Variants in TMEM196 observed in about 807,000 individuals in gnomAD.
The protein encoded by TMEM196 is transmembrane protein 196.
Under a neutral mutation model 20.0 loss-of-function variants are expected in TMEM196, and 17 were observed. The observed-to-expected ratio is 0.85, with a 90% confidence interval of 0.58 to 1.27. TMEM196 has a LOEUF of 1.27. Ranked by LOEUF, TMEM196 falls within the 50% of genes most tolerant of loss-of-function variation. TMEM196 has a pLI of 0.00. For missense variants in TMEM196, 267 were observed against 223.0 expected, an observed-to-expected ratio of 1.20 and a Z score of -1.26; for synonymous variants, 113 against 88.9, an observed-to-expected ratio of 1.27 and a Z score of -1.52.
At chr7:19,745,734 T>C (rs969102833) in intron 1 of TMEM196, among the ~76,000 whole-genome samples, 8 of 147,908 alleles carry the variant, frequency 5.4e-5, no homozygotes, top group African/African-American at 1.5e-4. Context: ...CCACATCCTG[T>C]TGGAGGCACC....
At chr7:19,756,941 G>A (rs557318975) in intron 1 of TMEM196, among the ~76,000 whole-genome samples, 40 of 152,174 alleles carry the variant, frequency 2.6e-4, no homozygotes, top group African/African-American at 8.7e-4. Context: ...GTGCTCAATA[G>A]CCACATGTGG....
At chr7:19,755,011 TG>T (rs1785148185) in intron 1 of TMEM196, among the ~76,000 whole-genome samples, 1 of 152,228 alleles carries the variant, frequency 6.6e-6, no homozygotes, top group Admixed American at 6.5e-5. Flanking sequence ...CACGTAACTA[TG>T]GTCTTAAAGG....
Position 19,748,744 on chromosome 7 carries a change from A to G in TMEM196, c.148-19306T>C, listed in dbSNP as rs192139477. On this transcript the variant is annotated intron_variant, in intron 1 of 4. Coordinates refer to ENST00000405844, the MANE Select transcript of TMEM196 (RefSeq NM_001363562.2). Reference sequence around the variant, plus strand: ...ATACATTTTGCTTAGCTAAAAGGCAAGTGGAAATTTGGAGTGGTCTACTAG... The same window carrying G: ...ATACATTTTGCTTAGCTAAAAGGCAGGTGGAAATTTGGAGTGGTCTACTAG... Among the ~76,000 whole-genome samples the G allele has an allele frequency of 4.0e-4, 61 of 152,330 alleles. 1 individual carries two copies. Among genetic ancestry groups the G allele is most frequent in the African/African-American group, 1.4e-3 (59 of 41,586 alleles).
intron 1 of TMEM196, among the ~76,000 whole-genome samples, chr7:19,766,372 G>T (rs140878781): frequency 6.6e-6 from 1 of 151,708 alleles, no homozygotes; most frequent in East Asian, 1.9e-4. Context: ...TGTCCATTTC[G>T]CATGTTGGAA....
intron 1 of TMEM196, among the ~76,000 whole-genome samples, chr7:19,771,376 T>A (rs753753018): frequency 1.3e-5 from 2 of 152,204 alleles, no homozygotes; most frequent in Admixed American, 6.5e-5. Flanking sequence ...AAAACATTTA[T>A]CTCACCTGAA....
intron 1 of TMEM196, among the ~76,000 whole-genome samples, chr7:19,738,326 G>A (rs1341262102): frequency 6.6e-6 from 1 of 152,000 alleles, no homozygotes; most frequent in Non-Finnish European, 1.5e-5. Context: ...TGGAGTTGTA[G>A]GTATCAGTAT....
In TMEM196 at chr7:19,720,779, A is replaced by G. The variant is rs950517511; in HGVS notation, c.*1349T>C. On this transcript the variant is annotated 3_prime_UTR_variant, in exon 5 of 5. Transcript: ENST00000405844. ...GATCTTTGGATATAGGCTTTCTTAT[A>G]TATGGACTGCCTATATTATTTCATG... 6.6e-6 allele frequency: 1 copy of G among 151,876 alleles called. No homozygotes were observed. Among genetic ancestry groups the G allele is most frequent in the African/African-American group, 2.4e-5 (1 of 41,436 alleles). The allele number at this position is 151,876 out of a possible 1,614,324, so 9.4% of individuals were successfully genotyped here.
At chr7:19,767,749 C>G (rs1785695673) in intron 1 of TMEM196, among the ~76,000 whole-genome samples, 1 of 151,818 alleles carries the variant, frequency 6.6e-6, no homozygotes, top group African/African-American at 2.4e-5. Context: ...ATATGAATCC[C>G]TTATGTTAAG....
In TMEM196 at chr7:19,741,427, T is replaced by C. The variant is rs192255669; in HGVS notation, c.148-11989A>G. Among the ~76,000 whole-genome samples, 5 of 152,314 alleles carry C rather than the reference T, an allele frequency of 3.3e-5. No homozygotes were observed. The East Asian group carries it at 9.6e-4, about 29-fold the overall frequency. On this transcript the variant is annotated intron_variant, in intron 1 of 4. Transcript: ENST00000405844. ...ATGGGGAGGTACAAAAATTAATCAA[T>C]TTCAGCCAATTTTAAGGCACATAAC...
intron 1 of TMEM196, among the ~76,000 whole-genome samples, chr7:19,730,029 G>C (rs1253313941): frequency 6.6e-6 from 1 of 152,142 alleles, no homozygotes; most frequent in Admixed American, 6.5e-5. Flanking sequence ...GGTCATGGTG[G>C]ACGGATCACA....
chr7:19,721,155 G>T lies in TMEM196; in HGVS notation c.*973C>A, dbSNP rs1298344957. 3 of 151,696 alleles carry T rather than the reference G, an allele frequency of 2.0e-5. No individual in the cohort carries two copies. Among genetic ancestry groups the T allele is most frequent in the African/African-American group, 7.3e-5 (3 of 41,356 alleles). 9.4% of individuals were successfully genotyped at this position (151,696 alleles called of 1,614,324 possible). On this transcript the variant is annotated 3_prime_UTR_variant, in exon 5 of 5. Coordinates refer to ENST00000405844, the MANE Select transcript of TMEM196 (RefSeq NM_001363562.2). ...AAAACCTAATTAAAAGAAGAAAAAT[G>T]GGCAATTTTAGTAGAAATTAAACAT...
chr7:19,735,277 C>G (rs1583426612), intron 1 of TMEM196, among the ~76,000 whole-genome samples: 1 of 151,996 alleles, frequency 6.6e-6, no homozygotes, highest in African/African-American at 2.4e-5. Flanking sequence ...AAAAGTGAAA[C>G]TATGCAATAA....
intron 1 of TMEM196, among the ~76,000 whole-genome samples, chr7:19,744,772 T>C (rs183334604): frequency 6.6e-6 from 1 of 152,350 alleles, no homozygotes; most frequent in Admixed American, 6.5e-5. Context: ...ATAGTTTACT[T>C]TTTTCAAAAG....
chr7:19,768,294 GAT>G (rs1209230053), intron 1 of TMEM196, among the ~76,000 whole-genome samples: 1 of 152,050 alleles, frequency 6.6e-6, no homozygotes, highest in East Asian at 1.9e-4. Flanking sequence ...GATATTATCA[GAT>G]ATGTTAATAG....
chr7:19,768,949 C>A (rs894980645), intron 1 of TMEM196, among the ~76,000 whole-genome samples: 4 of 152,046 alleles, frequency 2.6e-5, no homozygotes, highest in Non-Finnish European at 5.9e-5. Flanking sequence ...GCCAAAAAAT[C>A]AAAATGCAGC....
At position 19,772,652 on chromosome 7, in the gene TMEM196, G is replaced by A. The variant is rs1362802606; in HGVS notation, c.45C>T (p.Ser15=). The A allele has an allele frequency of 5.8e-6, 9 of 1,543,162 alleles. 1 individual carries two copies. In the South Asian group the frequency reaches 9.6e-5, roughly 17 times the overall value. The change falls in exon 1 of 5, where the codon TCC becomes TCT. Residue 15 remains serine, a synonymous_variant. Transcript: ENST00000405844. ...GQIIGSLLVL[S]VLEIGLGVSS... ...ACACCCCCAGCCCTATCTCCAGCACGGAGAGCACCAAGAGGCTCCCAATAA... is the reference window on the plus strand; with the variant it reads ...ACACCCCCAGCCCTATCTCCAGCACAGAGAGCACCAAGAGGCTCCCAATAA...
intron 1 of TMEM196, among the ~76,000 whole-genome samples, chr7:19,748,171 G>A (rs902175568): frequency 4.5e-5 from 6 of 133,680 alleles, no homozygotes; most frequent in Non-Finnish European, 7.7e-5. Context: ...AAATCCTTGC[G>A]TTTTCCTTTA....
At chr7:19,743,699 C>T (rs1301624529) in intron 1 of TMEM196, among the ~76,000 whole-genome samples, 5 of 152,072 alleles carry the variant, frequency 3.3e-5, no homozygotes, top group African/African-American at 4.8e-5. Flanking sequence ...GGAGAAATAT[C>T]TCATCTCTCC....
In TMEM196 at chr7:19,725,587, GC is replaced by G. The variant is rs1291643751; in HGVS notation, c.385del (p.Ala129ProfsTer27). 3 of 1,613,938 alleles carry G rather than the reference GC, an allele frequency of 1.9e-6. No individual in the cohort carries two copies. Among genetic ancestry groups the G allele is most frequent in the Non-Finnish European group, 2.5e-6 (3 of 1,179,994 alleles). ...TLSSWLTCRL[A>X]SYEQRRMFSE... ...GAACATCCTCCTCTGTTCATAACTG[GC>G]TAGTCGACAAGTGAGCCAGGAAGAG... is the stretch of plus-strand genomic sequence containing the variant. On this transcript the variant is annotated frameshift_variant, in exon 3 of 5. Coordinates refer to ENST00000405844, the MANE Select transcript of TMEM196 (RefSeq NM_001363562.2). LOFTEE classifies it high-confidence loss of function.
Sources: allele counts gnomAD v4.1 joint callset (sites outside exome capture counted in the v4.1 genomes callset), GRCh38; gene constraint gnomAD v4.1.1; transcripts MANE v1.5; gene names NCBI Gene and HGNC (gene_info 2026-07-23, HGNC 2026-07-21).